Variants in ASCC2 observed in about 807,000 individuals in gnomAD.
ASCC2 encodes ASC-1 complex subunit P100.
A neutral mutation model predicts 93.5 loss-of-function variants in ASCC2; 42 were observed. The observed-to-expected ratio is 0.45, with a 90% CI of 0.35 to 0.58. The LOEUF is 0.58. Ranked by LOEUF, ASCC2 falls within the 20% of genes least tolerant of loss-of-function variation. The pLI is 0.00. For synonymous variants in ASCC2, 364 were observed against 384.2 expected (o/e 0.95, Z 0.62); for missense variants, 859 against 977.6 (o/e 0.88, Z 1.62).
intron 8 of ASCC2, among the ~76,000 whole-genome samples, chr22:29,813,151 G>A (rs1392659196): frequency 6.6e-6 from 1 of 152,160 alleles, no homozygotes; most frequent in Non-Finnish European, 1.5e-5. Flanking sequence ...AAAGTGCTAG[G>A]ATGACAGGCA....
chr22:29,825,167 C>A lies in ASCC2; in HGVS notation c.331G>T (p.Glu111Ter). The change falls in exon 4 of 20, where the codon GAG (glutamate) becomes TAG (stop). Residue 111 changes from glutamate (E) to a stop codon, truncating the protein, a stop_gained. Transcript: ENST00000307790. LOFTEE classifies it high-confidence loss of function. This position sits in a 1 kb window ranked among gnomAD's most constrained non-coding sequence, Gnocchi z 4.9. Reference protein sequence around the residue: ...KFDEGVASAPEVVDMQKRLHR... With the variant: ...KFDEGVASAP Reference sequence around the variant, plus strand: ...AGGCGCTTCTGCATGTCAACAACCTCAGGGGCTGAGGCCACCCCCTCGTCG... The same window carrying A: ...AGGCGCTTCTGCATGTCAACAACCTAAGGGGCTGAGGCCACCCCCTCGTCG... 1 of 1,565,524 alleles carries A rather than the reference C, an allele frequency of 6.4e-7. No individual in the cohort carries two copies. The highest frequency in any genetic ancestry group is 8.6e-7 in the Non-Finnish European group (1 of 1,156,468).
In ASCC2 at chr22:29,806,784, C is replaced by A. The variant is rs748634418; in HGVS notation, c.1016+13G>T. ...GAGACTCTTCCACCAGGAGGCAATT[C>A]GTGAGGGCTTACCTGCTTTCTAGGA... On this transcript the variant is annotated intron_variant, in intron 10 of 19. Transcript: ENST00000307790. 1.7e-5 allele frequency: 27 copies of A among 1,596,802 alleles called. No homozygotes were observed. Among genetic ancestry groups the A allele is most frequent in the Non-Finnish European group, 2.3e-5 (27 of 1,164,516 alleles).
chr22:29,833,425 GGAA>G (rs2063392629), intron 1 of ASCC2: 4 of 349,604 alleles, frequency 1.1e-5, no homozygotes, highest in Non-Finnish European at 2.2e-5. Context: ...TGAGAAGAAG[GGAA>G]GAAGGACATG....
At position 29,798,328 on chromosome 22, in the gene ASCC2, G is replaced by T. The variant is rs113932935; in HGVS notation, c.1688+2663C>A. On this transcript the variant is annotated intron_variant, in intron 15 of 19. Coordinates refer to ENST00000307790, the MANE Select transcript of ASCC2 (RefSeq NM_032204.5). Reference sequence around the variant, plus strand: ...AGTTGGTTTTCCTGATGAGATATGAGGGGTATTGGAGACTTCTGGGAAAGG... The same window carrying T: ...AGTTGGTTTTCCTGATGAGATATGATGGGTATTGGAGACTTCTGGGAAAGG... Among the ~76,000 whole-genome samples, 626 of 152,000 alleles carry T rather than the reference G, an allele frequency of 4.1e-3. 4 individuals are homozygous for T. Among genetic ancestry groups the T allele is most frequent in the Non-Finnish European group, 6.7e-3 (455 of 67,956 alleles).
intron 17 of ASCC2, 80 bp downstream of exon 17, chr22:29,793,280 T>C: frequency 6.3e-7 from 1 of 1,581,144 alleles, no homozygotes; most frequent in Non-Finnish European, 8.6e-7. Flanking sequence ...CTGCCACATC[T>C]GTGTAAACAA....
intron 8 of ASCC2, among the ~76,000 whole-genome samples, 187 bp from the exon 9 acceptor site, chr22:29,808,372 C>T (rs961168038): frequency 6.6e-6 from 1 of 152,208 alleles, no homozygotes; most frequent in Non-Finnish European, 1.5e-5. Flanking sequence ...CCAGGAACAG[C>T]TCATAAGAAG....
chr22:29,795,521 G>A (rs1222774528), intron 15 of ASCC2, among the ~76,000 whole-genome samples: 2 of 152,174 alleles, frequency 1.3e-5, no homozygotes, highest in Non-Finnish European at 2.9e-5. Context: ...GATATCTGGG[G>A]TATAAGAAAA....
chr22:29,814,257 G>C (rs1211487378), intron 7 of ASCC2, among the ~76,000 whole-genome samples: 1 of 152,172 alleles, frequency 6.6e-6, no homozygotes, highest in African/African-American at 2.4e-5. Context: ...ATGAGCGCAG[G>C]GGCCAGTCTG....
Position 29,793,558 on chromosome 22 carries a change from C to A in ASCC2, c.1788+19G>T. On this transcript the variant is annotated intron_variant, in intron 16 of 19. Transcript: ENST00000307790. ...CCTGGTTTCCCTGGCCCAGCAGAGA[C>A]CTGGCCTTGGTGGCCTACCTCCTCC... 1.9e-6 allele frequency: 3 copies of A among 1,613,538 alleles called. No individual in the cohort carries two copies. Among genetic ancestry groups the A allele is most frequent in the South Asian group, 2.2e-5 (2 of 91,036 alleles).
intron 4 of ASCC2, among the ~76,000 whole-genome samples, chr22:29,823,502 G>A (rs2061860852): frequency 6.6e-6 from 1 of 152,226 alleles, no homozygotes; most frequent in African/African-American, 2.4e-5. Context: ...TTGGCGGAAT[G>A]TTGATAATTG....
chr22:29,835,461 C>T (rs529506931), intron 1 of ASCC2, among the ~76,000 whole-genome samples: 1 of 152,124 alleles, frequency 6.6e-6, no homozygotes, highest in Non-Finnish European at 1.5e-5. Context: ...CAAACCATTG[C>T]CTGCCAGGGC....
chr22:29,832,992 G>C (rs2063348465), intron 1 of ASCC2, among the ~76,000 whole-genome samples: 1 of 152,046 alleles, frequency 6.6e-6, no homozygotes, highest in Admixed American at 6.6e-5. Context: ...AAACTCCTGG[G>C]CTCAAATGAT....
chr22:29,831,035 C>T (rs2063079007), intron 2 of ASCC2, among the ~76,000 whole-genome samples: 1 of 152,194 alleles, frequency 6.6e-6, no homozygotes. Flanking sequence ...TGTGCTGGCA[C>T]TCACCACATG....
intron 4 of ASCC2, among the ~76,000 whole-genome samples, chr22:29,823,480 G>T (rs1275616565): frequency 6.6e-6 from 1 of 152,258 alleles, no homozygotes; most frequent in East Asian, 1.9e-4. Flanking sequence ...AAGGGAGAGA[G>T]ATAAAATGAG....
rs766202188 is a variant in ASCC2, at chr22:29,802,155, G to A, written c.1407C>T (p.Asp469=). ...GGTCCTTCACTTGGGAGATGAGAGA[G>A]TCCAGTTCCACCCCACACATGGCAG... ...VGPAMCGVEL[D]SLISQVKDLL... The change falls in exon 14 of 20, where the codon GAC becomes GAT. Residue 469 remains aspartate, a synonymous_variant. Transcript: ENST00000307790. 15 of 1,614,140 alleles carry A rather than the reference G, an allele frequency of 9.3e-6. No homozygotes were observed. In the Admixed American group the frequency reaches 2.2e-4, roughly 23 times the overall value.
chr22:29,815,960 T>C (rs1177386208), intron 6 of ASCC2, 46 bp downstream of exon 6: 1 of 1,488,110 alleles, frequency 6.7e-7, no homozygotes, highest in Non-Finnish European at 9.2e-7. Flanking sequence ...GGAGGTGGCC[T>C]ATCCTCCAAG....
Position 29,822,436 on chromosome 22 carries a change from C to G in ASCC2, c.440G>C (p.Gly147Ala). 6.2e-7 allele frequency: 1 copy of G among 1,613,874 alleles called. No individual in the cohort carries two copies. The highest frequency in any genetic ancestry group is 1.1e-5 in the South Asian group (1 of 91,066). The change falls in exon 5 of 20, where the codon GGA becomes GCA. Residue 147 changes from glycine (G) to alanine (A), a missense_variant. By Grantham distance (60) the Gly-to-Ala change is moderately conservative (BLOSUM62 0). Transcript: ENST00000307790. The stretch of plus-strand genomic sequence containing the variant: ...GAGGAAGTTATTGTAGAGGATTTCT[C>G]CAAACGCAGAAGGGGAAATGAAGTG... ...KDHFISPSAF[G>A]EILYNNFLFD...
intron 5 of ASCC2, among the ~76,000 whole-genome samples, chr22:29,819,188 T>G (rs249399): frequency 2.0e-5 from 3 of 152,030 alleles, no homozygotes; most frequent in Non-Finnish European, 4.4e-5. Context: ...GAGGCAGAGT[T>G]TCGCTCTTGT....
chr22:29,793,492 T>G lies in ASCC2; in HGVS notation c.1789-2A>C, dbSNP rs2058036978. 2 of 1,614,004 alleles carry G rather than the reference T, an allele frequency of 1.2e-6. No homozygotes were observed. Among genetic ancestry groups the G allele is most frequent in the Non-Finnish European group, 8.5e-7 (1 of 1,180,026 alleles). ...GCTCTCGCCTGGCTGCAGTGGCACC[T>G]GCAATGGCATAAGCATGGGTCTGGG... On this transcript the variant is annotated splice_acceptor_variant, in intron 16 of 19. Coordinates refer to ENST00000307790, the MANE Select transcript of ASCC2 (RefSeq NM_032204.5). LOFTEE classifies it high-confidence loss of function.
Sources: gnomAD v4.1 joint callset for allele counts (sites outside exome capture counted in the v4.1 genomes callset) on GRCh38, gnomAD v4.1.1 for gene constraint, Gnocchi (gnomAD v3.1) non-coding constraint, MANE v1.5 for transcripts, NCBI Gene and HGNC (gene_info 2026-07-23, HGNC 2026-07-21) for gene names.